The following ARHGEF12 variants were observed in gnomAD, a reference collection of about 807,000 sequenced individuals.
ARHGEF12 encodes Rho guanine nucleotide exchange factor 12.
Under a neutral mutation model 211.2 loss-of-function variants are expected in ARHGEF12, and 66 were observed. That is an observed-to-expected ratio of 0.31 (90% CI 0.26 to 0.38). ARHGEF12 has a LOEUF of 0.38. Among genes scored for constraint, ARHGEF12 ranks in the 10% least tolerant of loss-of-function variants. ARHGEF12 has a pLI of 1.00. For synonymous variants in ARHGEF12, 592 were observed against 638.4 expected, an observed-to-expected ratio of 0.93 and a Z score of 1.09; for missense variants, 1,429 against 1,869.5, an observed-to-expected ratio of 0.76 and a Z score of 4.34.
At chr11:120,465,442 A>T (rs1591628623) in intron 28 of ARHGEF12, 80 bp downstream of exon 28, 2 of 1,561,724 alleles carry the variant, frequency 1.3e-6, no homozygotes, top group East Asian at 2.2e-5. Flanking sequence ...AATTCTGACT[A>T]AGACTTTTAC....
chr11:120,362,427 T>C (rs531788366), intron 1 of ARHGEF12, among the ~76,000 whole-genome samples: 1 of 152,344 alleles, frequency 6.6e-6, no homozygotes, highest in Admixed American at 6.5e-5. Flanking sequence ...TATTTTGTAG[T>C]GTGTCTGAAT....
intron 3 of ARHGEF12, 96 bp downstream of exon 3, chr11:120,407,919 G>C (rs959456403): frequency 2.7e-6 from 3 of 1,102,278 alleles, no homozygotes; most frequent in Non-Finnish European, 4.1e-6. Flanking sequence ...ATAGTTGTTT[G>C]ATCTGTTTTA....
intron 1 of ARHGEF12, among the ~76,000 whole-genome samples, chr11:120,358,131 G>C (rs999307538): frequency 6.6e-6 from 1 of 152,098 alleles, no homozygotes; most frequent in African/African-American, 2.4e-5. Context: ...AGATTCTTTC[G>C]GTGGTAGCGT....
At chr11:120,478,128 A>T in intron 36 of ARHGEF12, 28 bp from the exon 37 acceptor site, 1 of 1,494,544 alleles carries the variant, frequency 6.7e-7, no homozygotes, top group Non-Finnish European at 9.3e-7. Context: ...GTTTAGATAT[A>T]GTCTACCTTT....
intron 1 of ARHGEF12, among the ~76,000 whole-genome samples, chr11:120,383,138 C>CA (rs1292162428): frequency 4.4e-4 from 64 of 146,484 alleles, no homozygotes; most frequent in African/African-American, 1.1e-3. Flanking sequence ...GACTCCGTCT[C>CA]AAAAAAAAAA....
At chr11:120,406,045 G>A (rs1348700010) in intron 1 of ARHGEF12, 73 bp from the exon 2 acceptor site, 6 of 1,136,072 alleles carry the variant, frequency 5.3e-6, no homozygotes, top group Non-Finnish European at 6.4e-6. Flanking sequence ...TGGTTCAGTA[G>A]GATGAATAAA....
rs199748151 is a variant in ARHGEF12 at position 120,451,608 on chromosome 11, G to T, written c.1940G>T (p.Arg647Leu). ...GAACCTCAGGACTCTGCCAAGTTGC[G>T]CCAGAGTGGGTTAGCAAATGAAGGA... ...SPEPQDSAKL[R>L]QSGLANEGTD... is the part of the protein sequence containing the mutation. The change falls in exon 22 of 41, where the codon CGC becomes CTC. Residue 647 changes from arginine to leucine, a missense_variant. By Grantham distance (102) the Arg-to-Leu change is moderately radical. Coordinates refer to ENST00000397843, the MANE Select transcript of ARHGEF12 (RefSeq NM_015313.3). The T allele has an allele frequency of 6.2e-7, 1 of 1,614,124 alleles. No homozygotes were observed. The highest frequency in any genetic ancestry group is 1.3e-5 in the African/African-American group (1 of 75,022).
rs140131097 is a variant in ARHGEF12 at position 120,360,578 on chromosome 11, G to C, written c.32+23303G>C. ...GGATAATTTTTGTATTTTTTGTAGA[G>C]ATGAGGTTTCACCATGTTGCCCCAG... On this transcript the variant is annotated intron_variant, in intron 1 of 40. Transcript: ENST00000397843. 4.1e-3 allele frequency among the ~76,000 whole-genome samples: 623 copies of C among 152,132 alleles called. 7 individuals carry two copies. The highest frequency in any genetic ancestry group is 0.014 in the African/African-American group (563 of 41,508).
chr11:120,369,800 A>G (rs972942981), intron 1 of ARHGEF12, among the ~76,000 whole-genome samples: 6 of 152,216 alleles, frequency 3.9e-5, no homozygotes, highest in Admixed American at 2.6e-4. Flanking sequence ...CAATAAAGTA[A>G]AAAGAAAATG....
intron 1 of ARHGEF12, among the ~76,000 whole-genome samples, chr11:120,398,851 C>T (rs1438042726): frequency 6.6e-6 from 1 of 151,810 alleles, no homozygotes; most frequent in Non-Finnish European, 1.5e-5. Context: ...TTTATCTTTA[C>T]CTGTATTTTA....
intron 1 of ARHGEF12, among the ~76,000 whole-genome samples, chr11:120,377,195 T>G (rs1040157617): frequency 6.6e-6 from 1 of 152,200 alleles, no homozygotes; most frequent in African/African-American, 2.4e-5. Flanking sequence ...GTATACTTTT[T>G]AACCACCACA....
Position 120,431,905 on chromosome 11 carries a change from T to C in ARHGEF12, c.918T>C (p.Asn306=), listed in dbSNP as rs1945552392. 1 of 1,591,958 alleles carries C rather than the reference T, an allele frequency of 6.3e-7. No homozygotes were observed. Among genetic ancestry groups the C allele is most frequent in the Admixed American group, 1.8e-5 (1 of 54,308 alleles). The part of the protein sequence containing the change: ...SGDASRPSSD[N]ADSPKSGPKE... ...ATGCTTCTCGGCCCAGTAGTGACAA[T>C]GCAGATGTAAGCTTTCAGTTTTCTA... is the stretch of plus-strand genomic sequence containing the variant. Residue 306 remains asparagine, a synonymous_variant, in exon 11 of 41, where the codon AAT becomes AAC. Transcript: ENST00000397843.
intron 15 of ARHGEF12, 52 bp downstream of exon 15, chr11:120,442,254 G>A: frequency 7.3e-7 from 1 of 1,368,326 alleles, no homozygotes; most frequent in Non-Finnish European, 1.0e-6. Context: ...TGGAATTATT[G>A]TCCTCCTGCT....
chr11:120,482,618 G>A (rs747035337), intron 39 of ARHGEF12, among the ~76,000 whole-genome samples: 25 of 152,114 alleles, frequency 1.6e-4, no homozygotes, highest in African/African-American at 3.6e-4. Flanking sequence ...GGTGGTGGGC[G>A]CCTGTAGTCC....
At chr11:120,402,169 GTCTTTT>G (rs757403293) in intron 1 of ARHGEF12, among the ~76,000 whole-genome samples, 2 of 152,132 alleles carry the variant, frequency 1.3e-5, no homozygotes, top group Admixed American at 1.3e-4. Context: ...TTTCTGAGGA[GTCTTTT>G]GCCCCCAAGG....
intron 1 of ARHGEF12, among the ~76,000 whole-genome samples, chr11:120,380,229 G>T (rs1036247831): frequency 1.3e-5 from 2 of 152,050 alleles, no homozygotes; most frequent in African/African-American, 4.8e-5. Flanking sequence ...GAAAATTCAC[G>T]TAGAGTTCCC....
Position 120,487,051 on chromosome 11 carries a change from T to G in ARHGEF12, c.*1974T>G, listed in dbSNP as rs570159151. Reference sequence around the variant, plus strand: ...TGTGCTGCTAGAAATAATGTCATTCTCAATTAAAAGGGTTACACCTGTAGC... The same window carrying G: ...TGTGCTGCTAGAAATAATGTCATTCGCAATTAAAAGGGTTACACCTGTAGC... On this transcript the variant is annotated 3_prime_UTR_variant, in exon 41 of 41. Transcript: ENST00000397843. 4.2e-5 allele frequency: 9 copies of G among 216,554 alleles called. No individual in the cohort carries two copies. In the South Asian group the frequency reaches 9.3e-4, roughly 22 times the overall value. 13.4% of individuals were successfully genotyped at this position (216,554 alleles called of 1,614,324 possible). A position where few individuals can be genotyped will look rare whatever the true frequency, so the allele number is the denominator to read the frequency against.
At chr11:120,358,804 C>G (rs1034870205) in intron 1 of ARHGEF12, among the ~76,000 whole-genome samples, 1 of 152,152 alleles carries the variant, frequency 6.6e-6, no homozygotes, top group Non-Finnish European at 1.5e-5. Flanking sequence ...GCATAGTTTA[C>G]TAAGATCAGA....
chr11:120,479,887 T>TA, intron 37 of ARHGEF12, 73 bp from the exon 38 acceptor site: 2 of 1,253,630 alleles, frequency 1.6e-6, no homozygotes, highest in Non-Finnish European at 2.2e-6. Context: ...GTAAGTCAGC[T>TA]AATTTAATTC....
Sources: gnomAD v4.1 joint callset for allele counts (sites outside exome capture counted in the v4.1 genomes callset) on GRCh38, gnomAD v4.1.1 for gene constraint, MANE v1.5 for transcripts, NCBI Gene and HGNC (gene_info 2026-07-23, HGNC 2026-07-21) for gene names.